Variants in NAV3 observed in about 807,000 individuals in gnomAD.
The protein encoded by NAV3 is pore membrane and/or filament interacting like protein 1.
NAV3 carries 87 observed loss-of-function variants against 244.7 expected under a neutral mutation model. The observed-to-expected ratio is 0.36, with a 90% CI of 0.30 to 0.42. NAV3 has a LOEUF of 0.42. Ranked by LOEUF, NAV3 falls within the 20% of genes least tolerant of loss-of-function variation. The pLI is 1.00. For missense variants in NAV3, 2,663 were observed against 2,893.3 expected (o/e 0.92, Z 1.83); for synonymous variants, 1,126 against 1,042.2 (o/e 1.08, Z -1.55).
At chr12:77,806,994 AC>A (rs1872015662) in intron 2 of NAV3, among the ~76,000 whole-genome samples, 1 of 151,456 alleles carries the variant, frequency 6.6e-6, no homozygotes, top group South Asian at 2.1e-4. Flanking sequence ...TAGTATTGCA[AC>A]CCCTGCTTTT....
At chr12:77,834,219 ATCTT>A (rs1874227553) in intron 1 of NAV3, among the ~76,000 whole-genome samples, 2 of 152,072 alleles carry the variant, frequency 1.3e-5, no homozygotes, top group Non-Finnish European at 2.9e-5. Context: ...CAGGGACCCC[ATCTT>A]TCTCTACACA....
intron 9 of NAV3, among the ~76,000 whole-genome samples, chr12:78,037,811 T>C (rs1880170127): frequency 6.6e-6 from 1 of 152,202 alleles, no homozygotes; most frequent in African/African-American, 2.4e-5. Context: ...GTAAATTTTC[T>C]GTAGAGTTAA....
At chr12:77,904,190 C>A (rs1353619335) in intron 1 of NAV3, among the ~76,000 whole-genome samples, 1 of 152,326 alleles carries the variant, frequency 6.6e-6, no homozygotes, top group Non-Finnish European at 1.5e-5. Flanking sequence ...AAGACACATG[C>A]ACACATATGT....
chr12:78,032,819 G>A (rs942656878), intron 9 of NAV3, among the ~76,000 whole-genome samples: 1 of 152,124 alleles, frequency 6.6e-6, no homozygotes, highest in Non-Finnish European at 1.5e-5. Context: ...CATCTTCCAA[G>A]TGATTCTGCC....
At chr12:78,011,857 C>T (rs567002812) in intron 8 of NAV3, among the ~76,000 whole-genome samples, 95 of 152,058 alleles carry the variant, frequency 6.2e-4, no homozygotes, top group African/African-American at 2.2e-3. Context: ...AGGTGGAAGA[C>T]GAAGAGGAAG....
chr12:77,814,891 A>G (rs537281878), intron 2 of NAV3, among the ~76,000 whole-genome samples: 1 of 152,236 alleles, frequency 6.6e-6, no homozygotes, highest in African/African-American at 2.4e-5. Context: ...TCAGGAGAGG[A>G]AGAGATATTT....
chr12:78,168,082 G>A (rs964676905), intron 23 of NAV3, among the ~76,000 whole-genome samples: 6 of 151,572 alleles, frequency 4.0e-5, no homozygotes, highest in Non-Finnish European at 8.9e-5. Context: ...TATAAAAATT[G>A]TATAATACAT....
chr12:77,616,548 G>A (rs75531666), intron 2 of NAV3, among the ~76,000 whole-genome samples: 6,186 of 152,070 alleles, frequency 0.041, 246 homozygotes, highest in African/African-American at 0.1. Context: ...CAGATAACCA[G>A]TGAGGTAGGG....
chr12:77,966,326 T>C (rs778109706), intron 4 of NAV3, 25 bp downstream of exon 4: 2 of 1,560,242 alleles, frequency 1.3e-6, no homozygotes, highest in South Asian at 2.3e-5. Flanking sequence ...GACTGAATTG[T>C]CACAAATGGC....
chr12:77,756,906 A>T (rs1869210018), intron 2 of NAV3, among the ~76,000 whole-genome samples: 1 of 152,156 alleles, frequency 6.6e-6, no homozygotes, highest in Admixed American at 6.5e-5. Flanking sequence ...AACTTGCTAG[A>T]ATCCCCCAAT....
At chr12:77,916,163 C>G (rs369740699) in intron 1 of NAV3, among the ~76,000 whole-genome samples, 4 of 152,006 alleles carry the variant, frequency 2.6e-5, no homozygotes, top group African/African-American at 9.6e-5. Flanking sequence ...GTAAAGGGAA[C>G]AGAGAAAGCA....
intron 24 of NAV3, 85 bp from the exon 25 acceptor site, chr12:78,175,221 A>G (rs2139643777): frequency 1.4e-6 from 2 of 1,453,618 alleles, no homozygotes; most frequent in East Asian, 2.3e-5. Context: ...TTATTAGAGA[A>G]CTGCCTCTCA....
rs1222237850 is a variant in NAV3, at chr12:78,140,332, A to G, written c.4681A>G (p.Thr1561Ala). The change falls in exon 20 of 40, where the codon ACA becomes GCA. Residue 1561 changes from threonine (T) to alanine (A), a missense_variant and splice_region_variant. This residue lies in a region of NAV3 where 354 missense variants were observed against 413.0 expected (regional missense o/e 0.86). Transcript: ENST00000397909. ...GTCCAGCACTTCTTCTCTTTACTCT[A>G]CAGTAAGTAATGGCTGTTAAGAAAA... ...LVSSTSSLYS[T>A]AEEKAHSEQI... 1.2e-6 allele frequency: 2 copies of G among 1,612,098 alleles called. No homozygotes were observed. The highest frequency in any genetic ancestry group is 1.7e-6 in the Non-Finnish European group (2 of 1,178,582).
intron 8 of NAV3, among the ~76,000 whole-genome samples, chr12:78,019,899 G>T (rs1265528836): frequency 3.3e-5 from 5 of 152,126 alleles, no homozygotes; most frequent in Non-Finnish European, 7.4e-5. Flanking sequence ...TGATGGGTTT[G>T]AAGTATTTTT....
upstream of NAV3, among the ~76,000 whole-genome samples, chr12:77,826,833 C>T (rs887442766): frequency 6.6e-6 from 1 of 152,160 alleles, no homozygotes; most frequent in Non-Finnish European, 1.5e-5. Context: ...GAATATTCTA[C>T]ATCTTGATAG....
intron 1 of NAV3, among the ~76,000 whole-genome samples, chr12:77,848,280 G>A (rs564579197): frequency 3.0e-4 from 45 of 152,304 alleles, no homozygotes; most frequent in African/African-American, 1.1e-3. Context: ...TTTTTGTAAT[G>A]ACTGTGGTTT....
chr12:77,967,066 G>C (rs1430769831), intron 4 of NAV3, among the ~76,000 whole-genome samples: 1 of 151,994 alleles, frequency 6.6e-6, no homozygotes, highest in African/African-American at 2.4e-5. Context: ...AGAAGCTTAG[G>C]TTCAAACCTA....
intron 1 of NAV3, among the ~76,000 whole-genome samples, chr12:77,893,474 G>A (rs1227002812): frequency 6.6e-6 from 1 of 151,890 alleles, no homozygotes; most frequent in Non-Finnish European, 1.5e-5. Context: ...GAGTTGAAAT[G>A]CATAGAATAT....
Position 77,713,151 on chromosome 12 carries a change from G to A in NAV3, c.72+140885G>A, listed in dbSNP as rs74106517. On this transcript the variant is annotated intron_variant, in intron 2 of 8. Coordinates refer to the NAV3 transcript ENST00000550042. ...TCACTTAAGGGCCACACCTGTGCAC[G>A]CCTGCTCTGTGCGTTTGCACATTTA... Among the ~76,000 whole-genome samples, 166 of 152,244 alleles carry A rather than the reference G, an allele frequency of 1.1e-3. 1 individual carries two copies. The highest frequency in any genetic ancestry group is 3.6e-3 in the African/African-American group (149 of 41,574).
Sources: gnomAD v4.1 joint callset for allele counts (sites outside exome capture counted in the v4.1 genomes callset) on GRCh38, gnomAD v4.1.1 for gene constraint, gnomAD v4.1.1 regional missense constraint, MANE v1.5 for transcripts, NCBI Gene and HGNC (gene_info 2026-07-23, HGNC 2026-07-21) for gene names.